PSMA1: variants seen among roughly 807,000 people sequenced by gnomAD.
The protein encoded by PSMA1 is proteasome subunit alpha type-1.
In PSMA1, 3 loss-of-function variants were observed where a neutral mutation model predicts 38.4. The ratio of observed to expected loss-of-function variants is 0.08; its 90% CI spans 0.04 to 0.20. The LOEUF is 0.20. Ranked by LOEUF, PSMA1 falls within the 10% of genes least tolerant of loss-of-function variation. PSMA1 has a pLI of 1.00. For synonymous variants in PSMA1, 101 were observed against 107.1 expected, an observed-to-expected ratio of 0.94 and a Z score of 0.35; for missense variants, 227 against 325.3, an observed-to-expected ratio of 0.70 and a Z score of 2.32.
intron 2 of PSMA1, among the ~76,000 whole-genome samples, chr11:14,558,243 T>A (rs1222747302): frequency 2.0e-5 from 2 of 99,372 alleles, no homozygotes. Flanking sequence ...TGAGAGCCCA[T>A]CTGCACAAAA....
chr11:14,558,459 GTCTACCT>G (rs1207812439), intron 2 of PSMA1, among the ~76,000 whole-genome samples: 2 of 152,028 alleles, frequency 1.3e-5, no homozygotes, highest in African/African-American at 4.8e-5. Flanking sequence ...CACAATCTTT[GTCTACCT>G]TCTCTCTACA....
intron 1 of PSMA1, among the ~76,000 whole-genome samples, chr11:14,611,775 T>G (rs909524602): frequency 6.6e-5 from 10 of 151,948 alleles, no homozygotes; most frequent in African/African-American, 2.4e-4. Context: ...CCTTCCATGC[T>G]CTCTCTCTCT....
At chr11:14,556,449 C>CT (rs931212632) in intron 2 of PSMA1, among the ~76,000 whole-genome samples, 3 of 152,020 alleles carry the variant, frequency 2.0e-5, no homozygotes, top group Admixed American at 6.5e-5. Context: ...TTGGAATCTT[C>CT]TTTTTTTAAT....
At chr11:14,581,123 T>G (rs1852277672) in intron 2 of PSMA1, among the ~76,000 whole-genome samples, 1 of 152,220 alleles carries the variant, frequency 6.6e-6, no homozygotes, top group Admixed American at 6.5e-5. Flanking sequence ...TGGGTCCCAT[T>G]GGCTGGTGTA....
intron 2 of PSMA1, among the ~76,000 whole-genome samples, chr11:14,577,000 C>T (rs1000265684): frequency 6.6e-6 from 1 of 152,270 alleles, no homozygotes; most frequent in African/African-American, 2.4e-5. Context: ...CTTCACATCC[C>T]TTGTAAGTTG....
intron 2 of PSMA1, among the ~76,000 whole-genome samples, chr11:14,583,998 A>G (rs1418514278): frequency 6.6e-6 from 1 of 152,232 alleles, no homozygotes; most frequent in Non-Finnish European, 1.5e-5. Context: ...AGAGCCAATT[A>G]CAGTGTCACA....
chr11:14,535,763 G>T (rs1851700078), intron 2 of PSMA1, among the ~76,000 whole-genome samples: 1 of 152,040 alleles, frequency 6.6e-6, no homozygotes, highest in East Asian at 1.9e-4. Context: ...GAAAATTTCA[G>T]TTTGGCTTTT....
chr11:14,621,344 T>G (rs1457100265), intron 1 of PSMA1, among the ~76,000 whole-genome samples: 1 of 152,074 alleles, frequency 6.6e-6, no homozygotes, highest in Non-Finnish European at 1.5e-5. Flanking sequence ...AGCACCATCA[T>G]AGCTCACTGC....
chr11:14,580,530 A>G (rs1164728112), intron 2 of PSMA1, among the ~76,000 whole-genome samples: 1 of 152,198 alleles, frequency 6.6e-6, no homozygotes, highest in Non-Finnish European at 1.5e-5. Flanking sequence ...CTTGTGTCCC[A>G]TCTTAACTTC....
intron 2 of PSMA1, among the ~76,000 whole-genome samples, chr11:14,561,878 A>T (rs2134173526): frequency 6.6e-6 from 1 of 152,278 alleles, no homozygotes; most frequent in East Asian, 1.9e-4. Flanking sequence ...AAACTAAACG[A>T]AATAAAGGGC....
chr11:14,600,107 C>T (rs1410387026), intron 2 of PSMA1, among the ~76,000 whole-genome samples: 1 of 152,188 alleles, frequency 6.6e-6, no homozygotes, highest in African/African-American at 2.4e-5. Flanking sequence ...TCTGGTCCTT[C>T]CTCTGGAAGC....
chr11:14,639,939 C>T (rs1300758725), intron 1 of PSMA1, among the ~76,000 whole-genome samples: 2 of 152,160 alleles, frequency 1.3e-5, no homozygotes, highest in Non-Finnish European at 2.9e-5. Context: ...ACCTCTGTAT[C>T]ACAGCTCCTG....
chr11:14,521,589 C>T (rs1851531070), upstream of PSMA1, among the ~76,000 whole-genome samples: 1 of 151,092 alleles, frequency 6.6e-6, no homozygotes. Flanking sequence ...ATCGGACCAT[C>T]CTGGCCAACA....
At chr11:14,634,500 G>C (rs2133723309) in intron 1 of PSMA1, among the ~76,000 whole-genome samples, 1 of 151,578 alleles carries the variant, frequency 6.6e-6, no homozygotes, top group African/African-American at 2.4e-5. Context: ...TAAAATTTAG[G>C]CTTTTTTTTT....
intron 2 of PSMA1, among the ~76,000 whole-genome samples, chr11:14,536,312 C>T (rs190563724): frequency 6.6e-6 from 1 of 152,138 alleles, no homozygotes; most frequent in Non-Finnish European, 1.5e-5. Context: ...GGATCACCTG[C>T]GGTCAAGAAT....
intron 7 of PSMA1, among the ~76,000 whole-genome samples, chr11:14,511,958 T>C (rs769220095): frequency 1.1e-4 from 16 of 152,328 alleles, no homozygotes; most frequent in South Asian, 2.1e-4. Context: ...TTCTATATAG[T>C]TGCAATGAAT....
At chr11:14,597,615 T>A (rs1328904050) in intron 2 of PSMA1, among the ~76,000 whole-genome samples, 1 of 152,196 alleles carries the variant, frequency 6.6e-6, no homozygotes, top group African/African-American at 2.4e-5. Flanking sequence ...TTTTATTGCA[T>A]CTATTTGATT....
intron 1 of PSMA1, among the ~76,000 whole-genome samples, chr11:14,637,779 AG>A (rs1394562639): frequency 6.6e-6 from 1 of 152,224 alleles, no homozygotes; most frequent in Non-Finnish European, 1.5e-5. Flanking sequence ...ACATCCCTGT[AG>A]CATTTGCTTT....
chr11:14,635,022 T>C (rs1853094466), intron 1 of PSMA1, among the ~76,000 whole-genome samples: 2 of 152,222 alleles, frequency 1.3e-5, no homozygotes, highest in Admixed American at 1.3e-4. Context: ...GTCTGGTCTA[T>C]TTTATAGCAC....
Sources: allele counts gnomAD v4.1 joint callset (sites outside exome capture counted in the v4.1 genomes callset), GRCh38; gene constraint gnomAD v4.1.1; transcripts MANE v1.5; gene names NCBI Gene and HGNC (gene_info 2026-07-23, HGNC 2026-07-21).